ATXN1: variants seen among roughly 807,000 people sequenced by gnomAD.
ATXN1 encodes the protein ataxin-1.
In ATXN1, 8 loss-of-function variants were observed where a neutral mutation model predicts 56.4. That is an observed-to-expected ratio of 0.14 (90% CI 0.08 to 0.26). ATXN1 has a LOEUF of 0.26. Among genes scored for constraint, ATXN1 ranks in the 10% least tolerant of loss-of-function variants. ATXN1 has a pLI of 1.00. For synonymous variants in ATXN1, 514 were observed against 494.6 expected (o/e 1.04, Z -0.52); for missense variants, 987 against 1,106.5 (o/e 0.89, Z 1.53).
In ATXN1 at chr6:16,526,062, T is replaced by TAC. The variant is rs1554113119; in HGVS notation, c.-360-3375_-360-3374insGT. Among the ~76,000 whole-genome samples, 7 of 90,992 alleles carry TAC rather than the reference T, an allele frequency of 7.7e-5. No individual in the cohort carries two copies. The East Asian group carries it at 7.9e-4, about 10-fold the overall frequency. The allele number at this position is 90,992 out of a possible 152,430, so 59.7% of individuals were successfully genotyped here. A position where few individuals can be genotyped will look rare whatever the true frequency, so the allele number is the denominator to read the frequency against. On this transcript the variant is annotated intron_variant, in intron 4 of 7. Transcript: ENST00000436367. The stretch of plus-strand genomic sequence containing the variant: ...AAATCTATATATATATATATATATA[T>TAC]ATACATACATACAATCTATTTATAA...
intron 1 of ATXN1, among the ~76,000 whole-genome samples, chr6:16,757,210 A>G (rs1402351421): frequency 6.6e-6 from 1 of 152,230 alleles, no homozygotes; most frequent in East Asian, 1.9e-4. Flanking sequence ...TAGTCGTAAC[A>G]TTTTTGACAA....
chr6:16,492,858 C>T (rs9396681), intron 5 of ATXN1, among the ~76,000 whole-genome samples: 130,586 of 152,194 alleles, frequency 0.86, 56,421 homozygotes, highest in South Asian at 0.96. Context: ...GCAGTGGAAA[C>T]AAATTATGTT....
chr6:16,690,184 T>C (rs973080406), intron 2 of ATXN1, among the ~76,000 whole-genome samples: 1 of 152,172 alleles, frequency 6.6e-6, no homozygotes, highest in East Asian at 1.9e-4. Context: ...TGGGACTGCA[T>C]GAGCACACCA....
At chr6:16,418,279 T>C (rs1286866043) in intron 6 of ATXN1, among the ~76,000 whole-genome samples, 1 of 152,238 alleles carries the variant, frequency 6.6e-6, no homozygotes, top group Non-Finnish European at 1.5e-5. Context: ...AATTAGTCCC[T>C]TCCTCTAGAC....
At chr6:16,759,676 TC>T (rs1761006762) in intron 1 of ATXN1, among the ~76,000 whole-genome samples, 1 of 151,410 alleles carries the variant, frequency 6.6e-6, no homozygotes, top group Non-Finnish European at 1.5e-5. Flanking sequence ...TCGAACCGAA[TC>T]CCCGCCGTCC....
intron 3 of ATXN1, among the ~76,000 whole-genome samples, chr6:16,624,837 CACACTTGCAGTTTA>C (rs1008726122): frequency 1.3e-5 from 2 of 152,172 alleles, no homozygotes; most frequent in Non-Finnish European, 2.9e-5. Flanking sequence ...GGGACTGAGT[CACACTTGCAGTTTA>C]ACTTCAACTC....
At chr6:16,568,087 A>G (rs993930046) in intron 4 of ATXN1, among the ~76,000 whole-genome samples, 1 of 152,244 alleles carries the variant, frequency 6.6e-6, no homozygotes, top group Non-Finnish European at 1.5e-5. Context: ...ATACTAGAAA[A>G]GGATTATTTC....
At chr6:16,732,351 A>C (rs1263559781) in intron 2 of ATXN1, among the ~76,000 whole-genome samples, 2 of 152,086 alleles carry the variant, frequency 1.3e-5, no homozygotes, top group Non-Finnish European at 2.9e-5. Context: ...CAGGTGGATC[A>C]CTTGAGGTCA....
intron 4 of ATXN1, among the ~76,000 whole-genome samples, chr6:16,580,385 A>C (rs1463832909): frequency 6.6e-6 from 1 of 152,228 alleles, no homozygotes; most frequent in African/African-American, 2.4e-5. Context: ...CATTTTGATA[A>C]AGCTGTATGA....
rs150692969 is a variant in ATXN1 at position 16,326,205 on chromosome 6, C to T, written c.1917+189G>A. Reference sequence around the variant, plus strand: ...CATGCATGGAGGTTAATTCATTACACACAGCAGAGATCACGGGGAAATGGG... The same window carrying T: ...CATGCATGGAGGTTAATTCATTACATACAGCAGAGATCACGGGGAAATGGG... On this transcript the variant is annotated intron_variant, in intron 7 of 7. Coordinates refer to ENST00000436367, the MANE Select transcript of ATXN1 (RefSeq NM_001128164.2). This position sits in a 1 kb window ranked among gnomAD's most constrained non-coding sequence, Gnocchi z 6.6. Among the ~76,000 whole-genome samples, 105 of 152,328 alleles carry T rather than the reference C, an allele frequency of 6.9e-4. No individual in the cohort carries two copies. The highest frequency in any genetic ancestry group is 2.4e-3 in the African/African-American group (100 of 41,574).
In ATXN1 at chr6:16,357,248, TTTTATTTTA is replaced by T. The variant is rs1187452488; in HGVS notation, c.-160-28787_-160-28779del. On this transcript the variant is annotated intron_variant, in intron 6 of 7. Transcript: ENST00000436367. ...TTTTATTATTTTTTATTTTATTTTATTTTATTTTATTTATTTTATTTTATTTTTTTTTGC... is the reference window on the plus strand; with the variant it reads ...TTTTATTATTTTTTATTTTATTTTATTTTATTTTATTTTATTTTTTTTTGC... 1.2e-4 allele frequency among the ~76,000 whole-genome samples: 18 copies of T among 149,340 alleles called. No homozygotes were observed. In the South Asian group the frequency reaches 1.5e-3, roughly 12 times the overall value.
chr6:16,442,181 T>C (rs573673215), intron 6 of ATXN1, among the ~76,000 whole-genome samples: 2 of 152,228 alleles, frequency 1.3e-5, no homozygotes, highest in South Asian at 4.1e-4. Flanking sequence ...AGCGTGACAC[T>C]CAGGAAAGAC....
intron 4 of ATXN1, among the ~76,000 whole-genome samples, chr6:16,554,749 C>T (rs544623038): frequency 1.9e-3 from 295 of 151,738 alleles, no homozygotes; most frequent in Non-Finnish European, 3.3e-3. Flanking sequence ...CCACCACGCC[C>T]GGCTAATTTT....
chr6:16,361,311 C>T lies in ATXN1; in HGVS notation c.-160-32841G>A, dbSNP rs567655144. Among the ~76,000 whole-genome samples the T allele has an allele frequency of 3.3e-4, 50 of 152,302 alleles. 1 individual carries two copies. The highest frequency in any genetic ancestry group is 4.6e-4 in the Admixed American group (7 of 15,308). Reference sequence around the variant, plus strand: ...GTAATGTTTCCTTCACATTCTGTTTCTGAAACAGGATTCAAGCAGGACATT... The same window carrying T: ...GTAATGTTTCCTTCACATTCTGTTTTTGAAACAGGATTCAAGCAGGACATT... On this transcript the variant is annotated intron_variant, in intron 6 of 7. Coordinates refer to ENST00000436367, the MANE Select transcript of ATXN1 (RefSeq NM_001128164.2).
chr6:16,747,616 G>A (rs1440893190), intron 2 of ATXN1, among the ~76,000 whole-genome samples: 3 of 150,720 alleles, frequency 2.0e-5, no homozygotes, highest in African/African-American at 4.9e-5. Flanking sequence ...TCCTCTTCTC[G>A]ATTTCCGTGG....
chr6:16,399,430 C>T lies in ATXN1; in HGVS notation c.-160-70960G>A, dbSNP rs143253642. 4.2e-4 allele frequency among the ~76,000 whole-genome samples: 64 copies of T among 152,322 alleles called. No homozygotes were observed. In the East Asian group the frequency reaches 0.011, roughly 26 times the overall value. ...GGCGCTCACTGGTCTATGCCGAGGACACCTTAAAGTAATCAGGCCGTCAAA... is the reference window on the plus strand; with the variant it reads ...GGCGCTCACTGGTCTATGCCGAGGATACCTTAAAGTAATCAGGCCGTCAAA... On this transcript the variant is annotated intron_variant, in intron 6 of 7. Coordinates refer to ENST00000436367, the MANE Select transcript of ATXN1 (RefSeq NM_001128164.2).
chr6:16,570,869 C>T (rs941744554), intron 4 of ATXN1, among the ~76,000 whole-genome samples: 6 of 152,206 alleles, frequency 3.9e-5, no homozygotes, highest in African/African-American at 1.4e-4. Context: ...CAGCGATTTT[C>T]TGGAGCTGTC....
At chr6:16,454,718 C>T (rs1759830943) in intron 6 of ATXN1, among the ~76,000 whole-genome samples, 1 of 152,172 alleles carries the variant, frequency 6.6e-6, no homozygotes, top group Non-Finnish European at 1.5e-5. Flanking sequence ...GTCAAAACAA[C>T]CTTTGTAGTC....
At chr6:16,457,331 C>G (rs1363867691) in intron 6 of ATXN1, among the ~76,000 whole-genome samples, 1 of 151,492 alleles carries the variant, frequency 6.6e-6, no homozygotes, top group Non-Finnish European at 1.5e-5. Context: ...GTGAGCACAG[C>G]TATTCCGAAC....
Sources: gnomAD v4.1 joint callset for allele counts (sites outside exome capture counted in the v4.1 genomes callset) on GRCh38, gnomAD v4.1.1 for gene constraint, Gnocchi (gnomAD v3.1) non-coding constraint, MANE v1.5 for transcripts, NCBI Gene and HGNC (gene_info 2026-07-23, HGNC 2026-07-21) for gene names.